The following SPATA9 variants were observed in gnomAD, a reference collection of about 807,000 sequenced individuals.
The protein encoded by SPATA9 is spermatogenesis associated 9, also known as spermatogenesis-associated protein 9.
SPATA9 carries 27 observed loss-of-function variants against 25.5 expected under a neutral mutation model. That is an observed-to-expected ratio of 1.06 (90% CI 0.78 to 1.46). The LOEUF is 1.46. SPATA9 is among the 40% of genes most tolerant of loss of function. The pLI is 0.00. For missense variants in SPATA9, 282 were observed against 297.5 expected (o/e 0.95, Z 0.38); for synonymous variants, 102 against 105.7 (o/e 0.97, Z 0.21).
At chr5:95,718,743 C>T in the SPATA9 span, among the ~76,000 whole-genome samples, 20 of 152,222 alleles carry the variant, frequency 1.3e-4, no homozygotes, top group African/African-American at 4.8e-4. Flanking sequence ...GACTGAAAAG[C>T]AATAGAATGG....
At chr5:95,706,559 G>A in the SPATA9 span, among the ~76,000 whole-genome samples, 7 of 152,090 alleles carry the variant, frequency 4.6e-5, no homozygotes, top group East Asian at 1.9e-4. Context: ...TTACCTAGTC[G>A]CAGGTATGTC....
intron 2 of SPATA9, among the ~76,000 whole-genome samples, chr5:95,681,511 T>C (rs1482090044): frequency 6.6e-6 from 1 of 152,194 alleles, no homozygotes; most frequent in Non-Finnish European, 1.5e-5. Flanking sequence ...CTAAATTACA[T>C]ACAGAGATGT....
intron 4 of SPATA9, among the ~76,000 whole-genome samples, chr5:95,661,045 T>C (rs1392216891): frequency 6.6e-6 from 1 of 152,166 alleles, no homozygotes; most frequent in Non-Finnish European, 1.5e-5. Context: ...GTCTTCCTTA[T>C]CCAGTTATGC....
chr5:95,672,819 A>G (rs1752524982), intron 3 of SPATA9, among the ~76,000 whole-genome samples: 1 of 152,248 alleles, frequency 6.6e-6, no homozygotes, highest in African/African-American at 2.4e-5. Flanking sequence ...AAAACACACA[A>G]ATTCAACTGG....
chr5:95,666,400 C>A (rs1026374821), intron 3 of SPATA9, among the ~76,000 whole-genome samples: 4 of 152,142 alleles, frequency 2.6e-5, no homozygotes, highest in African/African-American at 9.7e-5. Flanking sequence ...CAAATTAATT[C>A]TTTCCTCTAA....
At chr5:95,731,423 C>T in the SPATA9 span, 13 of 1,194,002 alleles carry the variant, frequency 1.1e-5, no homozygotes, top group Non-Finnish European at 1.3e-5. Flanking sequence ...GCGGCGGTCC[C>T]GCGCCCGGCG....
intron 2 of SPATA9, among the ~76,000 whole-genome samples, chr5:95,681,902 G>A (rs1014764529): frequency 1.3e-5 from 2 of 152,068 alleles, no homozygotes; most frequent in Non-Finnish European, 2.9e-5. Context: ...CAAAATGACC[G>A]AACCACATTT....
intron 3 of SPATA9, chr5:95,674,750 T>C (rs189327663): frequency 1.7e-4 from 79 of 456,484 alleles, no homozygotes; most frequent in African/African-American, 1.4e-3. Flanking sequence ...ATACATCTTC[T>C]TTTTTGGTTT....
chr5:95,702,490 A>G (rs901890235), upstream of SPATA9, among the ~76,000 whole-genome samples: 1 of 152,206 alleles, frequency 6.6e-6, no homozygotes, highest in South Asian at 2.1e-4. Context: ...AGGGGCAGAA[A>G]TAAAATAAGA....
At chr5:95,691,142 G>T (rs1753878042) in intron 1 of SPATA9, among the ~76,000 whole-genome samples, 1 of 151,636 alleles carries the variant, frequency 6.6e-6, no homozygotes, top group Admixed American at 6.6e-5. Context: ...CGTGAACCCG[G>T]GAGGGGGAGC....
At chr5:95,660,917 T>C (rs570229823) in intron 4 of SPATA9, among the ~76,000 whole-genome samples, 2 of 152,278 alleles carry the variant, frequency 1.3e-5, no homozygotes, top group South Asian at 4.1e-4. Flanking sequence ...TATTTAAAAA[T>C]TAAAAATCTC....
intron 1 of SPATA9, among the ~76,000 whole-genome samples, chr5:95,689,180 C>G (rs949779146): frequency 6.6e-6 from 1 of 152,172 alleles, no homozygotes; most frequent in South Asian, 2.1e-4. Flanking sequence ...GACCAGAAAA[C>G]AGACACAATA....
chr5:95,672,784 G>A (rs1752523227), intron 3 of SPATA9, among the ~76,000 whole-genome samples: 1 of 152,094 alleles, frequency 6.6e-6, no homozygotes, highest in South Asian at 2.1e-4. Flanking sequence ...AACAGATTAT[G>A]TCTCTTAGTT....
At chr5:95,694,089 G>A (rs914745269) in intron 1 of SPATA9, among the ~76,000 whole-genome samples, 2 of 152,114 alleles carry the variant, frequency 1.3e-5, no homozygotes, top group Non-Finnish European at 2.9e-5. Flanking sequence ...GAGCCCAGGA[G>A]GTCAAGGCTG....
intron 1 of SPATA9, among the ~76,000 whole-genome samples, chr5:95,694,742 A>C (rs1237474217): frequency 6.6e-6 from 1 of 152,246 alleles, no homozygotes; most frequent in Non-Finnish European, 1.5e-5. Context: ...ATGCCACTTC[A>C]AAATATGCCA....
chr5:95,707,917 C>A, the SPATA9 span, among the ~76,000 whole-genome samples: 3 of 152,218 alleles, frequency 2.0e-5, no homozygotes, highest in African/African-American at 4.8e-5. Flanking sequence ...GGAATCAAAT[C>A]GTTGATTCCT....
At chr5:95,662,181 C>CT (rs1392096697) in intron 4 of SPATA9, among the ~76,000 whole-genome samples, 10 of 151,896 alleles carry the variant, frequency 6.6e-5, no homozygotes, top group Non-Finnish European at 5.9e-5. Flanking sequence ...AGAAAAAGGG[C>CT]TTTTTTTAAA....
At chr5:95,701,455 T>C (rs1481847547), upstream of SPATA9, 3 of 151,936 alleles carry the variant, frequency 2.0e-5, no homozygotes, top group African/African-American at 4.8e-5. Context: ...TTTTTTATCA[T>C]ATTGTTTTAA....
At chr5:95,661,855 C>T (rs1028723714) in intron 4 of SPATA9, among the ~76,000 whole-genome samples, 1 of 151,808 alleles carries the variant, frequency 6.6e-6, no homozygotes, top group Non-Finnish European at 1.5e-5. Flanking sequence ...CATGCACACA[C>T]CTGCTTGGCT....
Sources: gnomAD v4.1 joint callset for allele counts (sites outside exome capture counted in the v4.1 genomes callset) on GRCh38, gnomAD v4.1.1 for gene constraint, MANE v1.5 for transcripts, NCBI Gene and HGNC (gene_info 2026-07-23, HGNC 2026-07-21) for gene names.